HMGB1: variants seen among roughly 807,000 people sequenced by gnomAD.
The protein encoded by HMGB1 is high mobility group protein B1.
For synonymous variants in HMGB1, 81 were observed against 84.0 expected (o/e 0.96, Z 0.19); for missense variants, 79 against 253.5 (o/e 0.31, Z 4.67).
At chr13:30,530,195 G>T (rs1246153706) in intron 1 of HMGB1, among the ~76,000 whole-genome samples, 1 of 152,082 alleles carries the variant, frequency 6.6e-6, no homozygotes, top group Non-Finnish European at 1.5e-5. Flanking sequence ...CTTGTGATGG[G>T]TCACAAAAAT....
At chr13:30,554,457 A>G in intron 1 of HMGB1, 1 of 985,064 alleles carries the variant, frequency 1.0e-6, no homozygotes, top group South Asian at 1.3e-5. Flanking sequence ...CAGACCCCAG[A>G]TCAACTGAGA....
intron 1 of HMGB1, among the ~76,000 whole-genome samples, chr13:30,597,044 T>C (rs1211671182): frequency 6.6e-6 from 1 of 152,238 alleles, no homozygotes; most frequent in Non-Finnish European, 1.5e-5. Flanking sequence ...AGTTTCTCTG[T>C]TCTTCTCTGT....
chr13:30,515,387 G>A (rs2137467949), intron 1 of HMGB1, among the ~76,000 whole-genome samples: 1 of 152,282 alleles, frequency 6.6e-6, no homozygotes, highest in East Asian at 1.9e-4. Flanking sequence ...ACACAACTGT[G>A]TGCTAATACG....
intron 1 of HMGB1, among the ~76,000 whole-genome samples, chr13:30,608,103 T>C (rs1034118741): frequency 1.3e-5 from 2 of 152,146 alleles, no homozygotes; most frequent in Non-Finnish European, 2.9e-5. Flanking sequence ...TCAGATCACG[T>C]GCTCTGGGGG....
chr13:30,602,295 C>T (rs1950411548), intron 1 of HMGB1, among the ~76,000 whole-genome samples: 1 of 152,216 alleles, frequency 6.6e-6, no homozygotes, highest in Non-Finnish European at 1.5e-5. Context: ...CACTTAGACC[C>T]TTCAACCCCA....
intron 1 of HMGB1, among the ~76,000 whole-genome samples, chr13:30,477,327 T>C (rs576492821): frequency 6.6e-6 from 1 of 152,272 alleles, no homozygotes; most frequent in African/African-American, 2.4e-5. Flanking sequence ...AATCCATCCA[T>C]AGGCCCTGCG....
intron 1 of HMGB1, among the ~76,000 whole-genome samples, chr13:30,572,350 T>G (rs1870473507): frequency 6.6e-6 from 1 of 152,238 alleles, no homozygotes; most frequent in African/African-American, 2.4e-5. Context: ...ATTGATTGCA[T>G]TTTGAAGGCA....
chr13:30,495,047 GACT>G (rs1298921849), intron 1 of HMGB1, among the ~76,000 whole-genome samples: 1 of 152,154 alleles, frequency 6.6e-6, no homozygotes, highest in African/African-American at 2.4e-5. Flanking sequence ...GGTATGCAGA[GACT>G]ACATTTTGTT....
intron 1 of HMGB1, among the ~76,000 whole-genome samples, chr13:30,484,078 C>T (rs1371273069): frequency 6.6e-6 from 1 of 152,122 alleles, no homozygotes; most frequent in Admixed American, 6.5e-5. Flanking sequence ...TACACCTGTC[C>T]AACTCATGCT....
chr13:30,464,611 C>A (rs1228635680), intron 1 of HMGB1: 2 of 983,664 alleles, frequency 2.0e-6, no homozygotes, highest in Non-Finnish European at 2.4e-6. Flanking sequence ...TTGTCAGGCT[C>A]GGCGCAGGGA....
intron 1 of HMGB1, among the ~76,000 whole-genome samples, chr13:30,615,147 T>C (rs1454950308): frequency 2.0e-5 from 3 of 152,256 alleles, no homozygotes; most frequent in Non-Finnish European, 4.4e-5. Context: ...ATTGCATGTA[T>C]ACAATATGAT....
Position 30,491,674 on chromosome 13 carries a change from G to GA in HMGB1, c.-14-27981dup, listed in dbSNP as rs953914603. On this transcript the variant is annotated intron_variant, in intron 1 of 4. Transcript: ENST00000405805. ...AGACCCTATCTCAAAAAAAAAAAAA[G>GA]AAAAAAAAAGAAATAAACTTTGACT... 3.3e-3 allele frequency among the ~76,000 whole-genome samples: 467 copies of GA among 140,736 alleles called. 5 individuals are homozygous for GA. The highest frequency in any genetic ancestry group is 0.011 in the African/African-American group (420 of 38,696). The allele number at this position is 140,736 out of a possible 152,430, so 92.3% of individuals were successfully genotyped here.
intron 1 of HMGB1, among the ~76,000 whole-genome samples, chr13:30,510,364 T>G (rs1199036908): frequency 4.6e-5 from 7 of 152,222 alleles, no homozygotes; most frequent in Non-Finnish European, 2.9e-5. Context: ...TTCCCCATTT[T>G]TAATCCCCAC....
chr13:30,562,399 C>T (rs1270935554), intron 1 of HMGB1, among the ~76,000 whole-genome samples: 1 of 151,446 alleles, frequency 6.6e-6, no homozygotes, highest in Non-Finnish European at 1.5e-5. Flanking sequence ...TATATAGAAC[C>T]ACTATAAAAT....
chr13:30,515,009 C>T (rs192213033), intron 1 of HMGB1, among the ~76,000 whole-genome samples: 30 of 152,298 alleles, frequency 2.0e-4, no homozygotes, highest in Admixed American at 2.6e-4. Flanking sequence ...GAAGTTAATG[C>T]TACAGGAGAT....
At chr13:30,577,018 G>C (rs1208995968) in intron 1 of HMGB1, among the ~76,000 whole-genome samples, 2 of 152,248 alleles carry the variant, frequency 1.3e-5, no homozygotes, top group South Asian at 2.1e-4. Context: ...CAAAGGTGGA[G>C]CCCTGATCTG....
intron 1 of HMGB1, among the ~76,000 whole-genome samples, chr13:30,564,469 C>CAAA (rs1354115665): frequency 1.3e-5 from 2 of 151,768 alleles, no homozygotes; most frequent in Admixed American, 1.3e-4. Flanking sequence ...GACTCAGTCT[C>CAAA]AAAAAACAAA....
intron 1 of HMGB1, among the ~76,000 whole-genome samples, chr13:30,475,918 C>T (rs1224803186): frequency 6.6e-6 from 1 of 152,180 alleles, no homozygotes; most frequent in Non-Finnish European, 1.5e-5. Flanking sequence ...GTTAGCCTGA[C>T]TTTTCACCCA....
chr13:30,512,439 C>T (rs748772316), intron 1 of HMGB1, among the ~76,000 whole-genome samples: 17 of 152,182 alleles, frequency 1.1e-4, no homozygotes, highest in Non-Finnish European at 2.1e-4. Flanking sequence ...GAAGAATGAA[C>T]GTGACAGTTC....
Sources: gnomAD v4.1 joint callset for allele counts (sites outside exome capture counted in the v4.1 genomes callset) on GRCh38, gnomAD v4.1.1 for gene constraint, MANE v1.5 for transcripts, NCBI Gene and HGNC (gene_info 2026-07-23, HGNC 2026-07-21) for gene names.